Variants in RASAL2 observed in about 807,000 individuals in gnomAD.
The protein encoded by RASAL2 is RAS protein activator like 2.
Under a neutral mutation model 128.9 loss-of-function variants are expected in RASAL2, and 58 were observed. The ratio of observed to expected loss-of-function variants is 0.45; its 90% CI spans 0.36 to 0.56. RASAL2 has a LOEUF of 0.56. Ranked by LOEUF, RASAL2 falls within the 20% of genes least tolerant of loss-of-function variation. The pLI, the probability that RASAL2 is intolerant of heterozygous loss-of-function variation, is 0.00. For missense variants in RASAL2, 1,360 were observed against 1,601.6 expected (o/e 0.85, Z 2.57); for synonymous variants, 561 against 580.8 (o/e 0.97, Z 0.49).
chr1:178,293,290 T>A (rs573363165), intron 2 of RASAL2, among the ~76,000 whole-genome samples: 3 of 152,286 alleles, frequency 2.0e-5, no homozygotes, highest in African/African-American at 7.2e-5. Context: ...AAAAAGAACC[T>A]TAGCCTAACT....
chr1:178,315,060 A>G (rs1264558661), intron 3 of RASAL2, among the ~76,000 whole-genome samples: 2 of 147,614 alleles, frequency 1.4e-5, no homozygotes, highest in African/African-American at 5.1e-5. Context: ...TGATCTTGCG[A>G]TAGTTTACTG....
chr1:178,449,171 T>C (rs1572095373), intron 9 of RASAL2, among the ~76,000 whole-genome samples: 1 of 152,188 alleles, frequency 6.6e-6, no homozygotes, highest in Admixed American at 6.5e-5. Context: ...ACGATATCTG[T>C]CTGCTTCTTA....
At chr1:178,390,281 CT>C (rs1672821450) in intron 4 of RASAL2, 75 bp downstream of exon 4, 1 of 1,016,114 alleles carries the variant, frequency 9.8e-7, no homozygotes, top group South Asian at 1.6e-5. Context: ...GGGGCAGCTA[CT>C]AAGGAATCCA....
At chr1:178,328,180 C>T (rs945343772) in intron 3 of RASAL2, among the ~76,000 whole-genome samples, 10 of 152,182 alleles carry the variant, frequency 6.6e-5, no homozygotes, top group African/African-American at 1.7e-4. Flanking sequence ...ATCTCATCTC[C>T]TATCACGTTT....
intron 3 of RASAL2, among the ~76,000 whole-genome samples, chr1:178,382,813 G>A (rs1336415799): frequency 6.6e-6 from 1 of 152,094 alleles, no homozygotes; most frequent in Non-Finnish European, 1.5e-5. Flanking sequence ...TCGTTGTTAT[G>A]TTTTCATCAT....
At chr1:178,463,719 C>T (rs553944012) in intron 14 of RASAL2, among the ~76,000 whole-genome samples, 1 of 152,148 alleles carries the variant, frequency 6.6e-6, no homozygotes, top group Non-Finnish European at 1.5e-5. Context: ...AAAGTAATTG[C>T]AGGTTTTGCC....
At chr1:178,151,256 A>G (rs1660905977) in intron 1 of RASAL2, among the ~76,000 whole-genome samples, 1 of 152,134 alleles carries the variant, frequency 6.6e-6, no homozygotes, top group South Asian at 2.1e-4. Flanking sequence ...AAATACAAAA[A>G]TTAGCCAGAT....
At chr1:178,163,090 C>T (rs316254) in intron 1 of RASAL2, among the ~76,000 whole-genome samples, 93,016 of 151,816 alleles carry the variant, frequency 0.61, 31,880 homozygotes, top group East Asian at 0.8. Flanking sequence ...CCTGCCTCAG[C>T]CTCCCGAGTA....
intron 1 of RASAL2, among the ~76,000 whole-genome samples, chr1:178,223,927 A>G (rs574548648): frequency 3.3e-5 from 5 of 152,224 alleles, no homozygotes; most frequent in Non-Finnish European, 7.3e-5. Context: ...GAACACTAGA[A>G]TAAGACCAGA....
chr1:178,429,188 A>G lies in RASAL2; in HGVS notation c.674+8568A>G, dbSNP rs551358051. 8.3e-4 allele frequency among the ~76,000 whole-genome samples: 126 copies of G among 152,190 alleles called. 3 individuals are homozygous for G. The highest frequency in any genetic ancestry group is 1.1e-3 in the Admixed American group (17 of 15,268). Reference sequence around the variant, plus strand: ...TTCTTGATGCTTTGGTTTCTTCATCATGCAGTCTTATGGTCCGCAGGAAAC... The same window carrying G: ...TTCTTGATGCTTTGGTTTCTTCATCGTGCAGTCTTATGGTCCGCAGGAAAC... On this transcript the variant is annotated intron_variant, in intron 5 of 17. Coordinates refer to ENST00000367649, the MANE Select transcript of RASAL2 (RefSeq NM_170692.4).
At chr1:178,379,936 A>T (rs190322038) in intron 3 of RASAL2, among the ~76,000 whole-genome samples, 2 of 152,336 alleles carry the variant, frequency 1.3e-5, no homozygotes, top group East Asian at 3.9e-4. Context: ...ACAGGGTCTC[A>T]CTCTTGTCAG....
At chr1:178,202,163 A>C (rs766959249) in intron 1 of RASAL2, among the ~76,000 whole-genome samples, 17 of 152,124 alleles carry the variant, frequency 1.1e-4, no homozygotes, top group Non-Finnish European at 2.4e-4. Context: ...TAATTAATGG[A>C]GTTTTAGCTC....
chr1:178,313,143 AC>A (rs1668340394), intron 3 of RASAL2, among the ~76,000 whole-genome samples: 1 of 152,192 alleles, frequency 6.6e-6, no homozygotes, highest in Non-Finnish European at 1.5e-5. Context: ...TAAATAACGT[AC>A]ATAGTCATAA....
At chr1:178,249,688 G>C (rs494481) in intron 1 of RASAL2, among the ~76,000 whole-genome samples, 93,165 of 151,964 alleles carry the variant, frequency 0.61, 31,961 homozygotes, top group East Asian at 0.8. Context: ...ATCTACCTTT[G>C]ATCTTTGAGT....
chr1:178,191,705 C>G (rs1662500071), intron 1 of RASAL2, among the ~76,000 whole-genome samples: 1 of 152,102 alleles, frequency 6.6e-6, no homozygotes, highest in Non-Finnish European at 1.5e-5. Context: ...TGCTGTATCC[C>G]CAAAGGGCCT....
At chr1:178,234,084 G>A (rs1664130221) in intron 1 of RASAL2, among the ~76,000 whole-genome samples, 1 of 152,162 alleles carries the variant, frequency 6.6e-6, no homozygotes, top group African/African-American at 2.4e-5. Context: ...GAAGTGAATG[G>A]ATTTGGTTAA....
intron 5 of RASAL2, among the ~76,000 whole-genome samples, chr1:178,431,571 C>T (rs977290573): frequency 7.2e-5 from 11 of 152,022 alleles, no homozygotes; most frequent in Non-Finnish European, 1.5e-4. Context: ...AGCAATTTCA[C>T]ATCTGAGAAT....
chr1:178,192,016 A>G (rs989871097), intron 1 of RASAL2, among the ~76,000 whole-genome samples: 2 of 152,180 alleles, frequency 1.3e-5, no homozygotes, highest in African/African-American at 4.8e-5. Flanking sequence ...CATACATTTC[A>G]TAACTGTATA....
rs1394701827 is a variant in RASAL2, at chr1:178,283,561, C to A, written c.203-3C>A. The A allele has an allele frequency of 3.7e-6, 6 of 1,605,560 alleles. No homozygotes were observed. The Admixed American group carries it at 6.9e-5, about 18-fold the overall frequency. On this transcript the variant is annotated splice_region_variant and splice_polypyrimidine_tract_variant and intron_variant, in intron 1 of 17. Coordinates refer to ENST00000367649, the MANE Select transcript of RASAL2 (RefSeq NM_170692.4). ...ACTTTTGTTTTTCCCTTTTCTCATG[C>A]AGATGTGAAAGGACCACCCACCCAC...
Sources: gnomAD v4.1 joint callset for allele counts (sites outside exome capture counted in the v4.1 genomes callset) on GRCh38, gnomAD v4.1.1 for gene constraint, MANE v1.5 for transcripts, NCBI Gene and HGNC (gene_info 2026-07-23, HGNC 2026-07-21) for gene names.